ELF1: variants seen among roughly 807,000 people sequenced by gnomAD.
ELF1 encodes E74 like ETS transcription factor 1.
In ELF1, 24 loss-of-function variants were observed where a neutral mutation model predicts 59.9. That is an observed-to-expected ratio of 0.40 (90% CI 0.29 to 0.56). ELF1 has a LOEUF of 0.56. Ranked by LOEUF, ELF1 falls within the 20% of genes least tolerant of loss-of-function variation. The pLI, the probability that ELF1 is intolerant of heterozygous loss-of-function variation, is 0.44. For synonymous variants in ELF1, 248 were observed against 266.2 expected (o/e 0.93, Z 0.67); for missense variants, 627 against 742.2 (o/e 0.84, Z 1.80).
chr13:40,991,119 G>GA (rs1413058799), intron 1 of ELF1, among the ~76,000 whole-genome samples: 1 of 152,140 alleles, frequency 6.6e-6, no homozygotes, highest in Non-Finnish European at 1.5e-5. Flanking sequence ...GACATTCCAC[G>GA]AAATACCAGT....
intron 8 of ELF1, among the ~76,000 whole-genome samples, chr13:40,934,835 A>G (rs2138102338): frequency 6.6e-6 from 1 of 152,366 alleles, no homozygotes; most frequent in East Asian, 1.9e-4. Flanking sequence ...GTGCTTAATT[A>G]ACCTAAACAA....
intron 1 of ELF1, among the ~76,000 whole-genome samples, chr13:41,044,504 C>G (rs887512418): frequency 1.3e-5 from 2 of 152,192 alleles, no homozygotes; most frequent in South Asian, 2.1e-4. Context: ...TAGCATGAAG[C>G]GCTGTTGAAT....
intron 1 of ELF1, among the ~76,000 whole-genome samples, chr13:40,989,721 C>G (rs1228786060): frequency 2.0e-5 from 3 of 152,092 alleles, no homozygotes; most frequent in African/African-American, 7.2e-5. Flanking sequence ...TTTGAGACTT[C>G]TGAATTTTTT....
chr13:41,041,240 A>C (rs922277059), intron 1 of ELF1, among the ~76,000 whole-genome samples: 3 of 149,750 alleles, frequency 2.0e-5, no homozygotes, highest in Non-Finnish European at 3.0e-5. Context: ...GTAAGAAAAA[A>C]AGGATCAAGC....
chr13:41,034,915 C>T (rs980393585), intron 1 of ELF1, among the ~76,000 whole-genome samples: 2 of 152,166 alleles, frequency 1.3e-5, no homozygotes, highest in African/African-American at 4.8e-5. Context: ...TTCTACGCCC[C>T]CAGCATATAC....
intron 7 of ELF1, among the ~76,000 whole-genome samples, chr13:40,941,912 G>T (rs1159869678): frequency 2.6e-5 from 4 of 152,068 alleles, no homozygotes; most frequent in African/African-American, 9.7e-5. Flanking sequence ...TTCCTTCTCA[G>T]GCTCCCAAAA....
intron 1 of ELF1, among the ~76,000 whole-genome samples, chr13:41,029,042 C>CA (rs1876062725): frequency 6.6e-6 from 1 of 152,068 alleles, no homozygotes; most frequent in South Asian, 2.1e-4. Flanking sequence ...CATGCCCGGC[C>CA]AAGTATTGTT....
At chr13:41,051,615 A>C (rs1198368898) in intron 1 of ELF1, among the ~76,000 whole-genome samples, 1 of 152,182 alleles carries the variant, frequency 6.6e-6, no homozygotes, top group African/African-American at 2.4e-5. Flanking sequence ...ACACATTCTA[A>C]ATCAGAAATG....
At chr13:41,019,389 T>C (rs1344871870), upstream of ELF1, 3 of 985,276 alleles carry the variant, frequency 3.0e-6, no homozygotes, top group African/African-American at 1.7e-5. Context: ...GGCACGCCCA[T>C]GTTGCTGTGG....
At chr13:40,938,346 A>ATC (rs1869923851) in intron 8 of ELF1, among the ~76,000 whole-genome samples, 1 of 152,234 alleles carries the variant, frequency 6.6e-6, no homozygotes, top group Non-Finnish European at 1.5e-5. Flanking sequence ...CCAATTAAGA[A>ATC]AAGCTTAACT....
At chr13:41,038,702 A>G (rs991953508) in intron 1 of ELF1, among the ~76,000 whole-genome samples, 1 of 152,186 alleles carries the variant, frequency 6.6e-6, no homozygotes, top group African/African-American at 2.4e-5. Context: ...ATGGATAAAC[A>G]TTTATACACT....
In ELF1 at chr13:40,936,760, C is replaced by CAA. The variant is rs368388366; in HGVS notation, c.1257-2734_1257-2733dup. On this transcript the variant is annotated intron_variant, in intron 8 of 8. Coordinates refer to ENST00000239882, the MANE Select transcript of ELF1 (RefSeq NM_172373.4). ...TGGTTGACAGAGCAAGACTCCGTCT[C>CAA]AAAAAAAAAAAAAAAAAGAAAAAAA... Among the ~76,000 whole-genome samples, 503 of 76,566 alleles carry CAA rather than the reference C, an allele frequency of 6.6e-3. 7 individuals are homozygous for CAA. Among genetic ancestry groups the CAA allele is most frequent in the East Asian group, 0.017 (41 of 2,380 alleles). 50.2% of individuals were successfully genotyped at this position (76,566 alleles called of 152,430 possible).
At chr13:41,036,179 G>A (rs1242106661) in intron 1 of ELF1, among the ~76,000 whole-genome samples, 1 of 151,906 alleles carries the variant, frequency 6.6e-6, no homozygotes, top group Non-Finnish European at 1.5e-5. Flanking sequence ...GCCTCCCAAA[G>A]GGCTGGGATT....
chr13:40,995,022 ACCT>A (rs1874059332), intron 1 of ELF1, among the ~76,000 whole-genome samples: 1 of 152,070 alleles, frequency 6.6e-6, no homozygotes, highest in African/African-American at 2.4e-5. Flanking sequence ...CGCCTCCCCC[ACCT>A]CCAATTCCCA....
intron 1 of ELF1, among the ~76,000 whole-genome samples, chr13:41,035,587 G>A (rs1222375300): frequency 6.6e-6 from 1 of 152,068 alleles, no homozygotes; most frequent in Admixed American, 6.6e-5. Flanking sequence ...GTCTACAGCA[G>A]TAAAGCTCTG....
At chr13:40,992,289 C>T (rs1873896410) in intron 1 of ELF1, among the ~76,000 whole-genome samples, 1 of 152,120 alleles carries the variant, frequency 6.6e-6, no homozygotes, top group South Asian at 2.1e-4. Context: ...CACTACGCTC[C>T]CTAAGTGCAT....
chr13:40,938,331 G>T (rs1038019885), intron 8 of ELF1, among the ~76,000 whole-genome samples: 1 of 152,056 alleles, frequency 6.6e-6, no homozygotes, highest in African/African-American at 2.4e-5. Flanking sequence ...CATATATACT[G>T]TACACCAATT....
intron 8 of ELF1, among the ~76,000 whole-genome samples, chr13:40,937,766 G>A (rs973772238): frequency 6.6e-6 from 1 of 152,070 alleles, no homozygotes; most frequent in African/African-American, 2.4e-5. Context: ...ACCGCGCCCA[G>A]CTTCTATATG....
At chr13:40,966,565 C>T (rs1192117245) in intron 2 of ELF1, among the ~76,000 whole-genome samples, 1 of 152,158 alleles carries the variant, frequency 6.6e-6, no homozygotes, top group Admixed American at 6.5e-5. Flanking sequence ...TGTGACTCCC[C>T]TAACTAGGCT....
Sources: gnomAD v4.1 joint callset for allele counts (sites outside exome capture counted in the v4.1 genomes callset) on GRCh38, gnomAD v4.1.1 for gene constraint, MANE v1.5 for transcripts, NCBI Gene and HGNC (gene_info 2026-07-23, HGNC 2026-07-21) for gene names.